Variants in ATP10B observed in about 807,000 individuals in gnomAD.
The protein encoded by ATP10B is ATPase phospholipid transporting 10B (putative), also known as phospholipid-transporting ATPase VB.
ATP10B carries 122 observed loss-of-function variants against 141.2 expected under a neutral mutation model. The ratio of observed to expected loss-of-function variants is 0.86; its 90% CI spans 0.75 to 1.00. ATP10B has a LOEUF of 1.00. Among genes scored for constraint, ATP10B ranks in the 50% least tolerant of loss-of-function variants. The probability of loss-of-function intolerance (pLI) is 0.00; values close to 1 mark genes in which losing one functional copy is unlikely to be tolerated. For synonymous variants in ATP10B, 685 were observed against 692.0 expected (o/e 0.99, Z 0.16); for missense variants, 1,876 against 1,825.3 (o/e 1.03, Z -0.51).
At chr5:160,577,128 G>A (rs1473512378) in intron 24 of ATP10B, among the ~76,000 whole-genome samples, 2 of 152,216 alleles carry the variant, frequency 1.3e-5, no homozygotes, top group East Asian at 3.8e-4. Flanking sequence ...GCAAGTGACA[G>A]TGTGCCTGAC....
At chr5:160,814,987 A>G (rs1159744100) in intron 1 of ATP10B, among the ~76,000 whole-genome samples, 2 of 152,202 alleles carry the variant, frequency 1.3e-5, no homozygotes, top group Non-Finnish European at 2.9e-5. Flanking sequence ...TGAAGGAAGC[A>G]CTAAACATGG....
chr5:160,685,320 A>G (rs1763683719), intron 6 of ATP10B: 1 of 577,854 alleles, frequency 1.7e-6, no homozygotes, highest in Non-Finnish European at 3.0e-6. Context: ...GAAGGATACT[A>G]AAAATGAAAA....
chr5:160,820,188 G>C (rs910705638), intron 1 of ATP10B, among the ~76,000 whole-genome samples: 2 of 151,318 alleles, frequency 1.3e-5, no homozygotes, highest in African/African-American at 4.8e-5. Flanking sequence ...AGATGAAAAA[G>C]TAGACCTTAC....
intron 22 of ATP10B, among the ~76,000 whole-genome samples, chr5:160,597,798 C>T (rs542442857): frequency 6.6e-6 from 1 of 152,268 alleles, no homozygotes; most frequent in South Asian, 2.1e-4. Flanking sequence ...AAAAAATGCT[C>T]ACCATGACTG....
chr5:160,603,536 G>T, intron 20 of ATP10B: 1 of 180,406 alleles, frequency 5.5e-6, no homozygotes, highest in South Asian at 1.4e-4. Context: ...GAAGCCAGAA[G>T]ATTGGATACC....
At chr5:160,824,016 T>C (rs1206436527) in intron 1 of ATP10B, among the ~76,000 whole-genome samples, 1 of 152,104 alleles carries the variant, frequency 6.6e-6, no homozygotes, top group Non-Finnish European at 1.5e-5. Context: ...GACATAACCA[T>C]GTTTACACAT....
At chr5:160,739,677 G>C (rs1046665643) in intron 2 of ATP10B, among the ~76,000 whole-genome samples, 38 of 152,188 alleles carry the variant, frequency 2.5e-4, no homozygotes, top group African/African-American at 8.7e-4. Context: ...ACATAGGTGA[G>C]AGATATGAAT....
intron 16 of ATP10B, 146 bp from the exon 17 acceptor site, chr5:160,616,110 T>A (rs542505464): frequency 0.015 from 12,283 of 806,422 alleles, 118 homozygotes; most frequent in Middle Eastern, 0.04. Context: ...GACTTTTTTT[T>A]AAATATGTAA....
intron 1 of ATP10B, among the ~76,000 whole-genome samples, chr5:160,818,106 A>G (rs1024016790): frequency 2.0e-5 from 3 of 152,228 alleles, no homozygotes; most frequent in Non-Finnish European, 4.4e-5. Flanking sequence ...CTTCATGTCT[A>G]AAACACCAAA....
At chr5:160,915,175 A>C in the ATP10B span, among the ~76,000 whole-genome samples, 1 of 152,194 alleles carries the variant, frequency 6.6e-6, no homozygotes, top group Non-Finnish European at 1.5e-5. Context: ...AAAGTTTTTC[A>C]AAAATATGAT....
intron 7 of ATP10B, among the ~76,000 whole-genome samples, chr5:160,668,212 A>G (rs7736080): frequency 0.82 from 119,588 of 145,036 alleles, 49,571 homozygotes; most frequent in South Asian, 0.88. Flanking sequence ...CTTGGGTAAC[A>G]GAGCGAGACT....
Position 160,677,061 on chromosome 5 carries a change from G to A in ATP10B, c.471-6394C>T, listed in dbSNP as rs151003482. 9.5e-3 allele frequency among the ~76,000 whole-genome samples: 1,450 copies of A among 152,242 alleles called. 12 individuals carry two copies. Among genetic ancestry groups the A allele is most frequent in the Middle Eastern group, 0.02 (6 of 294 alleles). Reference sequence around the variant, plus strand: ...AGCAGAGGTTGGGTTGAGAACAGGAGCCTCACCTTTTGGAATTCTGATCTC... The same window carrying A: ...AGCAGAGGTTGGGTTGAGAACAGGAACCTCACCTTTTGGAATTCTGATCTC... On this transcript the variant is annotated intron_variant, in intron 6 of 25. Transcript: ENST00000327245.
intron 7 of ATP10B, among the ~76,000 whole-genome samples, chr5:160,651,443 C>T (rs1410233931): frequency 2.6e-5 from 4 of 152,226 alleles, no homozygotes; most frequent in East Asian, 1.9e-4. Context: ...CATGAGCCTT[C>T]GTTTCTTCAT....
chr5:160,761,788 AGGAG>A (rs1298820280), intron 2 of ATP10B, among the ~76,000 whole-genome samples: 3 of 152,140 alleles, frequency 2.0e-5, no homozygotes, highest in African/African-American at 7.2e-5. Context: ...AAGCTACTAA[AGGAG>A]GTATCAGAGA....
At chr5:160,737,429 A>G (rs1341561479) in intron 2 of ATP10B, among the ~76,000 whole-genome samples, 2 of 152,196 alleles carry the variant, frequency 1.3e-5, no homozygotes, top group East Asian at 1.9e-4. Flanking sequence ...AAAAGCAATA[A>G]AAGACATCCA....
chr5:160,919,762 T>C, the ATP10B span, among the ~76,000 whole-genome samples: 10 of 152,144 alleles, frequency 6.6e-5, no homozygotes, highest in Admixed American at 6.5e-4. Context: ...TAGCTTCCGC[T>C]AGCTCTCTTT....
At chr5:160,602,894 T>C in intron 20 of ATP10B, 192 bp from the exon 21 acceptor site, 1 of 600,014 alleles carries the variant, frequency 1.7e-6, no homozygotes, top group Non-Finnish European at 2.8e-6. Flanking sequence ...CAAACCTCTC[T>C]AGAATCCAAG....
At chr5:160,659,025 A>C (rs556376306) in intron 7 of ATP10B, among the ~76,000 whole-genome samples, 1 of 152,316 alleles carries the variant, frequency 6.6e-6, no homozygotes, top group African/African-American at 2.4e-5. Flanking sequence ...TTAAATACCT[A>C]CAATTGGTTA....
chr5:160,880,020 A>G, the ATP10B span, among the ~76,000 whole-genome samples: 1 of 151,718 alleles, frequency 6.6e-6, no homozygotes, highest in African/African-American at 2.4e-5. Context: ...CCTAAAAATG[A>G]AATTCTTCTG....
Sources: allele counts gnomAD v4.1 joint callset (sites outside exome capture counted in the v4.1 genomes callset), GRCh38; gene constraint gnomAD v4.1.1; transcripts MANE v1.5; gene names NCBI Gene and HGNC (gene_info 2026-07-23, HGNC 2026-07-21).